Variants in CEP85L observed in about 807,000 individuals in gnomAD.
CEP85L encodes centrosomal protein 85L, also known as centrosomal protein of 85 kDa-like.
In CEP85L, 60 loss-of-function variants were observed where a neutral mutation model predicts 100.3. The ratio of observed to expected loss-of-function variants is 0.60; its 90% CI spans 0.49 to 0.74. The LOEUF (loss-of-function observed/expected upper bound fraction) is 0.74, where lower values mean the gene tolerates loss of function less well. Ranked by LOEUF, CEP85L falls within the 30% of genes least tolerant of loss-of-function variation. The pLI, the probability that CEP85L is intolerant of heterozygous loss-of-function variation, is 0.00. For synonymous variants in CEP85L, 319 were observed against 322.7 expected, an observed-to-expected ratio of 0.99 and a Z score of 0.12; for missense variants, 973 against 936.2, an observed-to-expected ratio of 1.04 and a Z score of -0.51.
At position 118,491,814 on chromosome 6, in the gene CEP85L, A is replaced by C. The variant is rs764991110; in HGVS notation, c.1309T>G (p.Ser437Ala). The change falls in exon 6 of 13, where the codon TCC becomes GCC. Residue 437 changes from serine (S) to alanine (A), a missense_variant. Around this residue, in one of 3 missense-constraint regions of CEP85L, gnomAD observed 890 missense variants for 844.5 expected, o/e 1.05. Coordinates refer to ENST00000368491, the MANE Select transcript of CEP85L (RefSeq NM_001042475.3). ...TCAAATTCCCCTTGTTGGGAATGGG[A>C]AACTGATTCCTCTGAAAATGGTGTC... ...LQTPFSEESVSHSQQGEFEQK... is the reference protein window; with the variant it reads ...LQTPFSEESVAHSQQGEFEQK... 6.2e-7 allele frequency: 1 copy of C among 1,612,858 alleles called. No homozygotes were observed. The highest frequency in any genetic ancestry group is 1.1e-5 in the South Asian group (1 of 90,706).
chr6:118,509,300 G>A (rs1018825), intron 5 of CEP85L, among the ~76,000 whole-genome samples: 2,332 of 151,936 alleles, frequency 0.015, 46 homozygotes, highest in East Asian at 0.037. Context: ...CCTTTATTCC[G>A]AATGACAGAA....
At chr6:118,575,333 A>G (rs78797568) in intron 2 of CEP85L, among the ~76,000 whole-genome samples, 4,413 of 152,256 alleles carry the variant, frequency 0.029, 107 homozygotes, top group African/African-American at 0.056. Context: ...AAACCAAAGA[A>G]CCTACTCTCA....
chr6:118,678,480 A>G (rs1776548475), intron 1 of CEP85L, among the ~76,000 whole-genome samples: 1 of 152,110 alleles, frequency 6.6e-6, no homozygotes, highest in South Asian at 2.1e-4. Context: ...ATATTTGTCT[A>G]CCTCTACACA....
At chr6:118,702,504 C>G (rs936138915) in intron 1 of CEP85L, among the ~76,000 whole-genome samples, 3 of 151,752 alleles carry the variant, frequency 2.0e-5, no homozygotes, top group African/African-American at 7.3e-5. Context: ...AGAGGGAGAC[C>G]CCATCTCAAA....
At chr6:118,546,024 G>T (rs1278985014) in intron 3 of CEP85L, among the ~76,000 whole-genome samples, 1 of 125,326 alleles carries the variant, frequency 8.0e-6, no homozygotes, top group Non-Finnish European at 1.9e-5. Context: ...TCTAGCTGAG[G>T]AATCATTGAG....
At chr6:118,630,575 T>C (rs1774081336) in intron 2 of CEP85L, among the ~76,000 whole-genome samples, 1 of 152,130 alleles carries the variant, frequency 6.6e-6, no homozygotes, top group Non-Finnish European at 1.5e-5. Flanking sequence ...CTGTGGTACA[T>C]CCAGACAATG....
chr6:118,526,025 AC>A (rs2114798714), intron 3 of CEP85L, among the ~76,000 whole-genome samples: 1 of 152,322 alleles, frequency 6.6e-6, no homozygotes, highest in East Asian at 1.9e-4. Context: ...CATGCAGGAG[AC>A]AGGATAGGAT....
chr6:118,625,289 T>C (rs931981367), intron 2 of CEP85L, among the ~76,000 whole-genome samples: 3 of 152,110 alleles, frequency 2.0e-5, no homozygotes, highest in Admixed American at 6.5e-5. Flanking sequence ...CCCAAAAGAG[T>C]TATGCTTTCT....
At chr6:118,654,311 C>T (rs566251627), upstream of CEP85L, among the ~76,000 whole-genome samples, 10 of 152,096 alleles carry the variant, frequency 6.6e-5, no homozygotes, top group African/African-American at 2.4e-4. Flanking sequence ...AAGGAAACCC[C>T]ATGCATAATA....
intron 1 of CEP85L, among the ~76,000 whole-genome samples, chr6:118,641,573 TC>T (rs1413121035): frequency 1.3e-5 from 2 of 152,180 alleles, no homozygotes; most frequent in Non-Finnish European, 2.9e-5. Flanking sequence ...GGTGACATCC[TC>T]CTTTGTTCAT....
At chr6:118,693,066 C>G (rs567508020) in intron 1 of CEP85L, among the ~76,000 whole-genome samples, 1 of 152,336 alleles carries the variant, frequency 6.6e-6, no homozygotes, top group South Asian at 2.1e-4. Flanking sequence ...GCAGAGACCT[C>G]TAACCCAACT....
chr6:118,621,608 C>T (rs1388524023), intron 2 of CEP85L, among the ~76,000 whole-genome samples: 1 of 152,178 alleles, frequency 6.6e-6, no homozygotes, highest in African/African-American at 2.4e-5. Context: ...CATCAACAGA[C>T]TACTCTAGAT....
intron 1 of CEP85L, among the ~76,000 whole-genome samples, chr6:118,661,804 C>T (rs987576055): frequency 6.6e-6 from 1 of 152,060 alleles, no homozygotes; most frequent in Non-Finnish European, 1.5e-5. Flanking sequence ...AATTGTAAGT[C>T]GGAGAGAAAC....
At chr6:118,642,316 A>C (rs1486244514) in intron 1 of CEP85L, among the ~76,000 whole-genome samples, 5 of 152,164 alleles carry the variant, frequency 3.3e-5, no homozygotes, top group Non-Finnish European at 7.3e-5. Flanking sequence ...AAAATAAACA[A>C]CAGGTAGCAA....
intron 2 of CEP85L, among the ~76,000 whole-genome samples, chr6:118,567,227 GTGTGTGTGTGTGTGTGTGTGTGTATA>G (rs1202210531): frequency 6.5e-5 from 5 of 77,472 alleles, no homozygotes; most frequent in African/African-American, 2.6e-4. Flanking sequence ...GTGTGTGTGT[GTGTGTGTGTGTGTGTGTGTGTGTATA>G]TATATATATA....
At chr6:118,580,832 GTGTGGGAAT>G (rs1414800027) in intron 2 of CEP85L, among the ~76,000 whole-genome samples, 1 of 152,226 alleles carries the variant, frequency 6.6e-6, no homozygotes, top group East Asian at 1.9e-4. Flanking sequence ...TGTGTCAACT[GTGTGGGAAT>G]TTAGTAACCG....
chr6:118,667,132 G>T (rs1776157413), intron 1 of CEP85L, among the ~76,000 whole-genome samples: 1 of 152,144 alleles, frequency 6.6e-6, no homozygotes, highest in Admixed American at 6.6e-5. Flanking sequence ...TCCTGGAGTG[G>T]CTCCAAATGT....
At chr6:118,582,549 T>C (rs1780633793) in intron 2 of CEP85L, among the ~76,000 whole-genome samples, 1 of 152,114 alleles carries the variant, frequency 6.6e-6, no homozygotes, top group South Asian at 2.1e-4. Flanking sequence ...AGGGAAGCAG[T>C]TCCAGCGGAC....
At chr6:118,602,023 G>C (rs1214320585) in intron 2 of CEP85L, among the ~76,000 whole-genome samples, 1 of 152,116 alleles carries the variant, frequency 6.6e-6, no homozygotes, top group Admixed American at 6.5e-5. Flanking sequence ...AGATGGAGTT[G>C]CTCAGGTTCA....
Sources: gnomAD v4.1 joint callset for allele counts (sites outside exome capture counted in the v4.1 genomes callset) on GRCh38, gnomAD v4.1.1 for gene constraint, gnomAD v4.1.1 regional missense constraint, MANE v1.5 for transcripts, NCBI Gene and HGNC (gene_info 2026-07-23, HGNC 2026-07-21) for gene names.